Variants in CCDC38 observed in about 807,000 individuals in gnomAD.
The protein encoded by CCDC38 is coiled-coil domain-containing protein 38.
A neutral mutation model predicts 72.8 loss-of-function variants in CCDC38; 69 were observed. The observed-to-expected ratio is 0.95, with a 90% confidence interval of 0.78 to 1.16. The LOEUF (loss-of-function observed/expected upper bound fraction) is 1.16, where lower values mean the gene tolerates loss of function less well. Ranked by LOEUF, CCDC38 falls within the 50% of genes most tolerant of loss-of-function variation. The pLI is 0.00. For synonymous variants in CCDC38, 201 were observed against 213.2 expected (o/e 0.94, Z 0.50); for missense variants, 626 against 638.9 (o/e 0.98, Z 0.22).
Position 95,926,024 on chromosome 12 carries a change from C to A in CCDC38, c.38-7048G>T, listed in dbSNP as rs1220855058. On this transcript the variant is annotated intron_variant, in intron 2 of 15. Transcript: ENST00000344280. ...TCTCTTTTTTGGTTGTGTCTCTGCC[C>A]GGCTTTGGTATCAGGATGATGCTGG... Among the ~76,000 whole-genome samples, 423 of 136,284 alleles carry A rather than the reference C, an allele frequency of 3.1e-3. 4 individuals carry two copies. Among genetic ancestry groups the A allele is most frequent in the African/African-American group, 0.011 (397 of 35,504 alleles). The allele number at this position is 136,284 out of a possible 152,430, so 89.4% of individuals were successfully genotyped here.
intron 13 of CCDC38, among the ~76,000 whole-genome samples, chr12:95,876,770 T>G (rs2079640147): frequency 6.6e-6 from 1 of 152,122 alleles, no homozygotes; most frequent in Non-Finnish European, 1.5e-5. Context: ...GGGAGGACAG[T>G]CTTCTTCTGA....
chr12:95,892,184 G>T (rs1212869070), intron 8 of CCDC38, among the ~76,000 whole-genome samples: 2 of 149,492 alleles, frequency 1.3e-5, no homozygotes, highest in Non-Finnish European at 3.0e-5. Context: ...AGTTTTTCAG[G>T]CAAGAGGCTA....
chr12:95,872,610 T>C (rs2079593556), intron 13 of CCDC38, 150 bp from the exon 14 acceptor site: 1 of 616,850 alleles, frequency 1.6e-6, no homozygotes, highest in South Asian at 2.1e-5. Flanking sequence ...AGTCTCACTC[T>C]GTCACCCAGG....
chr12:95,870,632 TA>T (rs543153636), intron 14 of CCDC38, among the ~76,000 whole-genome samples: 2 of 152,182 alleles, frequency 1.3e-5, no homozygotes, highest in Admixed American at 1.3e-4. Context: ...TTTGCTAGTG[TA>T]AAAAAGATGG....
intron 2 of CCDC38, chr12:95,935,574 T>A (rs2080384456): frequency 3.6e-6 from 1 of 276,810 alleles, no homozygotes; most frequent in African/African-American, 2.3e-5. Context: ...AGTTGTTTTA[T>A]ATTTTCTGTC....
chr12:95,872,406 T>G lies in CCDC38; in HGVS notation c.1333A>C (p.Ile445Leu), dbSNP rs567568406. 1.2e-6 allele frequency: 2 copies of G among 1,614,062 alleles called. No homozygotes were observed. The highest frequency in any genetic ancestry group is 2.7e-5 in the African/African-American group (2 of 74,936). Residue 445 changes from isoleucine to leucine, a missense_variant, in exon 14 of 16, where the codon ATT becomes CTT. Ile to Leu is a conservative substitution (Grantham distance 5, BLOSUM62 2). Coordinates refer to ENST00000344280, the MANE Select transcript of CCDC38 (RefSeq NM_182496.3). ...AGGCCGTCATCCTCAGCATCTCCAA[T>G]GCAGACTTTGTATACTTGAGTAATC... ...KKITQVYKVCIGDAEDDGLNP... is the reference protein window; with the variant it reads ...KKITQVYKVCLGDAEDDGLNP...
chr12:95,925,574 G>A (rs559265851), intron 2 of CCDC38, among the ~76,000 whole-genome samples: 7 of 152,170 alleles, frequency 4.6e-5, no homozygotes, highest in South Asian at 4.2e-4. Context: ...CTTCCAACAC[G>A]ATGTTGAATA....
intron 10 of CCDC38, among the ~76,000 whole-genome samples, chr12:95,886,917 G>A (rs147372638): frequency 8.5e-5 from 13 of 152,282 alleles, no homozygotes; most frequent in African/African-American, 3.1e-4. Context: ...GGGCGTGGTG[G>A]CTCACGCCTG....
intron 4 of CCDC38, among the ~76,000 whole-genome samples, chr12:95,908,245 C>T (rs952400895): frequency 3.2e-4 from 49 of 151,404 alleles, no homozygotes; most frequent in African/African-American, 1.1e-3. Flanking sequence ...GGATCACTCG[C>T]GGTTAGGAGC....
At chr12:95,880,165 T>C (rs2079683695) in intron 11 of CCDC38, among the ~76,000 whole-genome samples, 1 of 152,180 alleles carries the variant, frequency 6.6e-6, no homozygotes, top group South Asian at 2.1e-4. Flanking sequence ...ATTTTAATTA[T>C]TTTATATTTC....
chr12:95,887,357 G>A (rs2079771125), intron 10 of CCDC38, among the ~76,000 whole-genome samples: 1 of 152,172 alleles, frequency 6.6e-6, no homozygotes, highest in Non-Finnish European at 1.5e-5. Flanking sequence ...AAATAATCCA[G>A]ATGGCCTTCA....
chr12:95,879,903 G>T lies in CCDC38; in HGVS notation c.991-108C>A. 1 of 788,064 alleles carries T rather than the reference G, an allele frequency of 1.3e-6. No individual in the cohort carries two copies. Among genetic ancestry groups the T allele is most frequent in the Non-Finnish European group, 1.9e-6 (1 of 514,730 alleles). 48.8% of individuals were successfully genotyped at this position (788,064 alleles called of 1,614,324 possible). ...GGTAAAGGAAGACAGTTCTAAGGAT[G>T]AGGGAGACACAGGTAGGAACTTGTA... On this transcript the variant is annotated intron_variant, in intron 11 of 15. Coordinates refer to ENST00000344280, the MANE Select transcript of CCDC38 (RefSeq NM_182496.3). The surrounding 1 kb of genome is among the most constrained non-coding windows in gnomAD (Gnocchi z 5.5).
chr12:95,872,557 T>C, intron 13 of CCDC38, 97 bp from the exon 14 acceptor site: 1 of 755,704 alleles, frequency 1.3e-6, no homozygotes. Context: ...GTATATGCTA[T>C]TAAATGTTTA....
At chr12:95,909,241 A>G (rs745987600) in intron 4 of CCDC38, among the ~76,000 whole-genome samples, 1 of 152,238 alleles carries the variant, frequency 6.6e-6, no homozygotes, top group Non-Finnish European at 1.5e-5. Context: ...CCACAGAAAT[A>G]CAAAAGATCC....
At chr12:95,931,089 C>T (rs563383215) in intron 2 of CCDC38, among the ~76,000 whole-genome samples, 377 of 152,304 alleles carry the variant, frequency 2.5e-3, no homozygotes, top group African/African-American at 8.6e-3. Context: ...TATTTTCTTA[C>T]ACTTCTGGAG....
Position 95,892,071 on chromosome 12 carries a change from G to C in CCDC38, c.773-1141C>G, listed in dbSNP as rs79039365. 2.1e-4 allele frequency among the ~76,000 whole-genome samples: 30 copies of C among 145,642 alleles called. No individual in the cohort carries two copies. In the East Asian group the frequency reaches 5.9e-3, roughly 29 times the overall value. ...CCTCCCTGGTTTCCCCTCTCCAAGG[G>C]ATCACTCTGCTTTTTTTTTTTTTTT... On this transcript the variant is annotated intron_variant, in intron 8 of 15. Coordinates refer to ENST00000344280, the MANE Select transcript of CCDC38 (RefSeq NM_182496.3).
At chr12:95,902,248 A>T (rs895468136) in intron 5 of CCDC38, among the ~76,000 whole-genome samples, 3 of 152,182 alleles carry the variant, frequency 2.0e-5, no homozygotes, top group African/African-American at 7.2e-5. Context: ...CACATTTTTA[A>T]AGTATACAAT....
intron 5 of CCDC38, among the ~76,000 whole-genome samples, chr12:95,904,366 C>T (rs550772315): frequency 8.5e-5 from 13 of 152,292 alleles, no homozygotes; most frequent in Admixed American, 4.6e-4. Context: ...TGACACTGAC[C>T]GCAAGTTTGA....
chr12:95,930,586 A>G (rs1241969329), intron 2 of CCDC38, among the ~76,000 whole-genome samples: 2 of 152,046 alleles, frequency 1.3e-5, no homozygotes, highest in East Asian at 3.9e-4. Context: ...AGAAGATCTC[A>G]TCTTGAGATC....
Sources: allele counts gnomAD v4.1 joint callset (sites outside exome capture counted in the v4.1 genomes callset), GRCh38; gene constraint gnomAD v4.1.1; non-coding constraint Gnocchi (gnomAD v3.1); transcripts MANE v1.5; gene names NCBI Gene and HGNC (gene_info 2026-07-23, HGNC 2026-07-21).